Variants in DZIP3 observed in about 807,000 individuals in gnomAD.
DZIP3 encodes DAZ interacting zinc finger protein 3.
A neutral mutation model predicts 162.0 loss-of-function variants in DZIP3; 118 were observed. The observed-to-expected ratio is 0.73, with a 90% CI of 0.63 to 0.85. DZIP3 has a LOEUF of 0.85. Ranked by LOEUF, DZIP3 falls within the 40% of genes least tolerant of loss-of-function variation. The probability of loss-of-function intolerance (pLI) is 0.00; values close to 1 mark genes in which losing one functional copy is unlikely to be tolerated. For missense variants in DZIP3, 1,331 were observed against 1,407.0 expected, an observed-to-expected ratio of 0.95 and a Z score of 0.86; for synonymous variants, 438 against 458.6, an observed-to-expected ratio of 0.96 and a Z score of 0.57.
At chr3:108,604,910 G>A (rs951057723) in intron 1 of DZIP3, among the ~76,000 whole-genome samples, 2 of 152,140 alleles carry the variant, frequency 1.3e-5, no homozygotes, top group African/African-American at 2.4e-5. Flanking sequence ...GGAAAAAGCT[G>A]TATGGATAAT....
chr3:108,629,476 G>A lies in DZIP3; in HGVS notation c.696+300G>A, dbSNP rs533601380. On this transcript the variant is annotated intron_variant, in intron 8 of 32. Transcript: ENST00000361582. ...TAATTATCTTTACCATTATTTTGCT[G>A]TTGATTTAAATTACAAAGTACTAAA... Among the ~76,000 whole-genome samples the A allele has an allele frequency of 1.1e-4, 16 of 152,166 alleles. 1 individual carries two copies. Among genetic ancestry groups the A allele is most frequent in the Admixed American group, 6.5e-4 (10 of 15,274 alleles).
chr3:108,659,116 G>A (rs1943292097), intron 19 of DZIP3, among the ~76,000 whole-genome samples: 1 of 152,178 alleles, frequency 6.6e-6, no homozygotes, highest in African/African-American at 2.4e-5. Context: ...AATAGAAAAA[G>A]AGGGAATCCT....
Position 108,634,895 on chromosome 3 carries a change from A to G in DZIP3, c.841A>G (p.Lys281Glu). Residue 281 changes from lysine (K) to glutamate (E), a missense_variant, in exon 10 of 33, where the codon AAA (lysine) becomes GAA (glutamate). Transcript: ENST00000361582. ...GGGATTTTTTCAGTTAATGTGCAGT[A>G]AAAGTTGCTGTGTTTATTTCCATAA... Reference protein sequence around the residue: ...YKGFFQLMCSKSCCVYFHKIC... With the variant: ...YKGFFQLMCSESCCVYFHKIC... 1 of 1,609,166 alleles carries G rather than the reference A, an allele frequency of 6.2e-7. No individual in the cohort carries two copies. The highest frequency in any genetic ancestry group is 8.5e-7 in the Non-Finnish European group (1 of 1,177,392).
chr3:108,615,703 C>T (rs186752897), intron 4 of DZIP3, among the ~76,000 whole-genome samples: 14 of 152,302 alleles, frequency 9.2e-5, no homozygotes, highest in African/African-American at 3.4e-4. Flanking sequence ...AAGACATAGT[C>T]CTACCTTTCA....
chr3:108,602,743 T>G (rs1940098291), intron 1 of DZIP3: 1 of 152,200 alleles, frequency 6.6e-6, no homozygotes, highest in African/African-American at 2.4e-5. Context: ...CTGCTTCCTT[T>G]TGGTTGCTAG....
chr3:108,648,165 T>G, intron 16 of DZIP3, 53 bp downstream of exon 16: 1 of 1,501,556 alleles, frequency 6.7e-7, no homozygotes, highest in Non-Finnish European at 8.9e-7. Flanking sequence ...GGGCCTTTAA[T>G]TTGTTGCATG....
chr3:108,662,815 T>C (rs184228802), intron 21 of DZIP3, among the ~76,000 whole-genome samples: 97 of 152,316 alleles, frequency 6.4e-4, no homozygotes, highest in Non-Finnish European at 1.2e-3. Context: ...AGTAACCTGC[T>C]TTGTTCTTTT....
At position 108,686,432 on chromosome 3, in the gene DZIP3, C is replaced by G. The variant is rs371954859; in HGVS notation, c.3010-13C>G. Reference sequence around the variant, plus strand: ...ATTAAACCTGCTGGGCTATAGCTCTCTGCCTCTTACAGATGACTGGCATAG... The same window carrying G: ...ATTAAACCTGCTGGGCTATAGCTCTGTGCCTCTTACAGATGACTGGCATAG... On this transcript the variant is annotated splice_polypyrimidine_tract_variant and intron_variant, in intron 27 of 32. Coordinates refer to ENST00000361582, the MANE Select transcript of DZIP3 (RefSeq NM_014648.4). The G allele has an allele frequency of 1.2e-5, 18 of 1,555,188 alleles. No homozygotes were observed. In the African/African-American group the frequency reaches 2.1e-4, roughly 18 times the overall value.
At chr3:108,624,352 T>G in intron 5 of DZIP3, 92 bp from the exon 6 acceptor site, 1 of 680,328 alleles carries the variant, frequency 1.5e-6, no homozygotes, top group Non-Finnish European at 2.6e-6. Context: ...GTTTTAATAA[T>G]TATTAATTAA....
chr3:108,640,395 C>CTTT, intron 12 of DZIP3, among the ~76,000 whole-genome samples: 1 of 113,186 alleles, frequency 8.8e-6, no homozygotes, highest in Admixed American at 8.0e-5. Flanking sequence ...AGAATTGTTA[C>CTTT]CTTTTTTTTT....
At position 108,672,652 on chromosome 3, in the gene DZIP3, C is replaced by G. The variant is rs776063503; in HGVS notation, c.2585C>G (p.Ala862Gly). ...GCAGAAACTAGCAGAGCTTTAACAG[C>G]CGAGGTAACAACAAAACGGGGACAG... is the stretch of plus-strand genomic sequence containing the variant. ...LNAETSRALT[A>G]EVYFLQCRRD... Residue 862 changes from alanine to glycine, a missense_variant, in exon 23 of 33, where the codon GCC (alanine) becomes GGC (glycine). This residue lies in a region of DZIP3 where 1,278 missense variants were observed against 1,317.1 expected (regional missense o/e 0.97). Transcript: ENST00000361582. The G allele has an allele frequency of 8.1e-6, 13 of 1,610,996 alleles. No individual in the cohort carries two copies. Among genetic ancestry groups the G allele is most frequent in the South Asian group, 3.3e-5 (3 of 90,898 alleles).
At chr3:108,649,759 A>G (rs959834223) in intron 17 of DZIP3, among the ~76,000 whole-genome samples, 6 of 151,848 alleles carry the variant, frequency 4.0e-5, no homozygotes, top group African/African-American at 9.7e-5. Flanking sequence ...ATGAAGATAA[A>G]TTTGTAAAAC....
intron 5 of DZIP3, among the ~76,000 whole-genome samples, chr3:108,622,880 C>CTCTCTCTCTCTCTCTCTCTCTGTG (rs796232998): frequency 1.1e-4 from 6 of 53,092 alleles, no homozygotes; most frequent in South Asian, 9.1e-4. Context: ...CTCTCTCTCT[C>CTCTCTCTCTCTCTCTCTCTCTGTG]TGTGTGTGTG....
chr3:108,644,224 T>C lies in DZIP3; in HGVS notation c.1202T>C (p.Ile401Thr). The C allele has an allele frequency of 6.2e-7, 1 of 1,612,282 alleles. No homozygotes were observed. The highest frequency in any genetic ancestry group is 8.5e-7 in the Non-Finnish European group (1 of 1,179,548). ...TTCTATCATCTGCTTCATATAATTA[T>C]TATTTCTGGTACTGACATTGTTCGA... ...NYFYHLLHII[I>T]ISGTDIVRQI... The change falls in exon 14 of 33, where the codon ATT becomes ACT. Residue 401 changes from isoleucine (I) to threonine (T), a missense_variant. Coordinates refer to ENST00000361582, the MANE Select transcript of DZIP3 (RefSeq NM_014648.4).
intron 4 of DZIP3, among the ~76,000 whole-genome samples, chr3:108,611,662 C>T (rs997942001): frequency 3.3e-4 from 50 of 152,098 alleles, no homozygotes; most frequent in Non-Finnish European, 6.3e-4. Flanking sequence ...GTTCTCCTAA[C>T]TCATAAAATG....
chr3:108,682,093 G>A (rs1276736006), intron 26 of DZIP3, among the ~76,000 whole-genome samples: 2 of 150,364 alleles, frequency 1.3e-5, no homozygotes, highest in Non-Finnish European at 1.5e-5. Context: ...GAAAAAAAAA[G>A]AACAGCTATT....
chr3:108,600,700 A>G (rs1198871412), intron 1 of DZIP3, among the ~76,000 whole-genome samples: 1 of 152,194 alleles, frequency 6.6e-6, no homozygotes, highest in East Asian at 1.9e-4. Flanking sequence ...AATGGTGATG[A>G]TAGGAACACT....
At chr3:108,605,737 C>A (rs1576348287) in intron 2 of DZIP3, among the ~76,000 whole-genome samples, 1 of 152,328 alleles carries the variant, frequency 6.6e-6, no homozygotes, top group East Asian at 1.9e-4. Flanking sequence ...CAGTTCTTAA[C>A]AGGCCATGTA....
At chr3:108,612,489 T>A (rs996518337) in intron 4 of DZIP3, among the ~76,000 whole-genome samples, 1 of 152,128 alleles carries the variant, frequency 6.6e-6, no homozygotes, top group African/African-American at 2.4e-5. Flanking sequence ...CCTTCAGATA[T>A]GCAAAAAATA....
Sources: gnomAD v4.1 joint callset for allele counts (sites outside exome capture counted in the v4.1 genomes callset) on GRCh38, gnomAD v4.1.1 for gene constraint, gnomAD v4.1.1 regional missense constraint, MANE v1.5 for transcripts, NCBI Gene and HGNC (gene_info 2026-07-23, HGNC 2026-07-21) for gene names.